The following TTYH3 variants were observed in gnomAD, a reference collection of about 807,000 sequenced individuals.
TTYH3 encodes tweety family member 3.
In TTYH3, 23 loss-of-function variants were observed where a neutral mutation model predicts 68.2. The ratio of observed to expected loss-of-function variants is 0.34; its 90% CI spans 0.24 to 0.48. TTYH3 has a LOEUF of 0.48. TTYH3 is among the 20% of genes least tolerant of loss of function. The pLI is 0.99. For synonymous variants in TTYH3, 360 were observed against 332.8 expected (o/e 1.08, Z -0.89); for missense variants, 768 against 727.7 (o/e 1.06, Z -0.64).
At chr7:2,654,864 A>C (rs1425336142) in intron 9 of TTYH3, among the ~76,000 whole-genome samples, 1 of 152,034 alleles carries the variant, frequency 6.6e-6, no homozygotes, top group Non-Finnish European at 1.5e-5. Context: ...GGCTCACCGC[A>C]ACCTCTGCCT....
chr7:2,656,057 T>C, intron 9 of TTYH3, 35 bp from the exon 10 acceptor site: 1 of 1,493,120 alleles, frequency 6.7e-7, no homozygotes, highest in Non-Finnish European at 9.1e-7. Flanking sequence ...CCCGTCCAAA[T>C]GAAGTGCTGA....
At chr7:2,636,538 G>A (rs894711821) in intron 1 of TTYH3, among the ~76,000 whole-genome samples, 1 of 152,174 alleles carries the variant, frequency 6.6e-6, no homozygotes, top group African/African-American at 2.4e-5. Flanking sequence ...TGACAGAAGC[G>A]GGCCAGACAC....
chr7:2,633,026 G>T (rs1047421658), intron 1 of TTYH3, among the ~76,000 whole-genome samples: 1 of 152,098 alleles, frequency 6.6e-6, no homozygotes, highest in South Asian at 2.1e-4. Flanking sequence ...CCTGGGGGGC[G>T]GCTGGGGGCC....
At chr7:2,635,640 C>T (rs913369631) in intron 1 of TTYH3, among the ~76,000 whole-genome samples, 5 of 152,122 alleles carry the variant, frequency 3.3e-5, no homozygotes, top group Admixed American at 6.5e-5. Context: ...GCCCGGCTGC[C>T]GACAATCAGA....
chr7:2,658,853 C>T (rs1413424204), intron 12 of TTYH3, 87 bp from the exon 13 acceptor site: 15 of 1,313,046 alleles, frequency 1.1e-5, no homozygotes, highest in African/African-American at 1.4e-5. Flanking sequence ...CATCTGGGCA[C>T]AGCGGGCCTA....
At chr7:2,652,461 G>A (rs1388536131) in intron 8 of TTYH3, among the ~76,000 whole-genome samples, 1 of 152,208 alleles carries the variant, frequency 6.6e-6, no homozygotes, top group Non-Finnish European at 1.5e-5. Flanking sequence ...GGGGGGACCT[G>A]CTCAATGCAC....
chr7:2,650,107 A>C, intron 7 of TTYH3, 119 bp downstream of exon 7: 1 of 995,920 alleles, frequency 1.0e-6, no homozygotes, highest in Non-Finnish European at 1.5e-6. Flanking sequence ...TCAGGGAGAC[A>C]GGTCCCAGGC....
At chr7:2,658,640 A>C (rs1430704009) in intron 12 of TTYH3, among the ~76,000 whole-genome samples, 181 bp downstream of exon 12, 1 of 152,232 alleles carries the variant, frequency 6.6e-6, no homozygotes, top group Non-Finnish European at 1.5e-5. Context: ...TGGAGAGGCC[A>C]CATGGTCACA....
intron 7 of TTYH3, among the ~76,000 whole-genome samples, chr7:2,651,965 C>G (rs976252750): frequency 6.6e-6 from 1 of 152,196 alleles, no homozygotes; most frequent in Non-Finnish European, 1.5e-5. Context: ...GACACATGCA[C>G]ACCGGCACAC....
intron 1 of TTYH3, among the ~76,000 whole-genome samples, chr7:2,637,314 T>G (rs2114972646): frequency 6.6e-6 from 1 of 152,196 alleles, no homozygotes; most frequent in South Asian, 2.1e-4. Flanking sequence ...TGCAGCTTGG[T>G]TCCCCAGGCC....
At chr7:2,638,076 C>A (rs891228924) in intron 1 of TTYH3, among the ~76,000 whole-genome samples, 1 of 152,158 alleles carries the variant, frequency 6.6e-6, no homozygotes, top group Non-Finnish European at 1.5e-5. Flanking sequence ...TGGGGTGCAC[C>A]CAGCTCTGAG....
intron 7 of TTYH3, among the ~76,000 whole-genome samples, chr7:2,651,338 C>A (rs887659382): frequency 6.6e-6 from 1 of 152,142 alleles, no homozygotes; most frequent in African/African-American, 2.4e-5. Context: ...GAACCACTTC[C>A]ACCAAAGCCT....
chr7:2,657,774 C>G (rs1337210780), intron 11 of TTYH3, among the ~76,000 whole-genome samples: 6 of 152,228 alleles, frequency 3.9e-5, no homozygotes, highest in Admixed American at 3.9e-4. Context: ...TGCTTGCTGC[C>G]AGGCAGCCCA....
Position 2,656,380 on chromosome 7 carries a change from C to G in TTYH3, c.1114-18C>G, listed in dbSNP as rs201427236. 1,610 of 1,601,818 alleles carry G rather than the reference C, an allele frequency of 1.0e-3. 20 individuals are homozygous for G. The South Asian group carries it at 0.011, about 11-fold the overall frequency. On this transcript the variant is annotated intron_variant, in intron 10 of 13. Coordinates refer to ENST00000258796, the MANE Select transcript of TTYH3 (RefSeq NM_025250.3). ...CCTCCCTGTCTCTGGATCCTGCCAT[C>G]TCATCCCACGGCCTCAGGACTACGT...
At chr7:2,656,360 C>G (rs745504951) in intron 10 of TTYH3, 38 bp from the exon 11 acceptor site, 6 of 1,595,516 alleles carry the variant, frequency 3.8e-6, no homozygotes, top group Non-Finnish European at 5.1e-6. Context: ...TCCACCCTCC[C>G]TGTCTCTGGA....
At chr7:2,637,699 G>C (rs902583878) in intron 1 of TTYH3, among the ~76,000 whole-genome samples, 1 of 152,196 alleles carries the variant, frequency 6.6e-6, no homozygotes, top group Admixed American at 6.5e-5. Context: ...CGGGGAATTG[G>C]CATGTGACAG....
chr7:2,649,695 G>A (rs1290803645), intron 6 of TTYH3, 56 bp downstream of exon 6: 1 of 1,557,834 alleles, frequency 6.4e-7, no homozygotes, highest in Non-Finnish European at 8.7e-7. Flanking sequence ...CTGGGGGAGG[G>A]ACGAGGGGAA....
In TTYH3 at chr7:2,658,376, C is replaced by T. The variant is rs139680125; in HGVS notation, c.1341C>T (p.Tyr447=). ...ACCGCGTCCACATGCCCAGCCTGTA[C>T]AGCTGTGGCAGCAGCTACGGCAGTG... ...SLYRVHMPSL[Y]SCGSSYGSET... is the part of the protein sequence containing the mutation. The change falls in exon 12 of 14, where the codon TAC becomes TAT. Residue 447 remains tyrosine (Y), a synonymous_variant. Coordinates refer to ENST00000258796, the MANE Select transcript of TTYH3 (RefSeq NM_025250.3). 43 of 1,611,730 alleles carry T rather than the reference C, an allele frequency of 2.7e-5. No individual in the cohort carries two copies. The highest frequency in any genetic ancestry group is 3.5e-5 in the Non-Finnish European group (41 of 1,179,664).
rs565630948 is a variant in TTYH3 at position 2,640,406 on chromosome 7, G to A, written c.124-6447G>A. Among the ~76,000 whole-genome samples the A allele has an allele frequency of 3.3e-5, 5 of 151,968 alleles. No individual in the cohort carries two copies. The East Asian group carries it at 9.7e-4, about 29-fold the overall frequency. On this transcript the variant is annotated intron_variant, in intron 1 of 13. Coordinates refer to ENST00000258796, the MANE Select transcript of TTYH3 (RefSeq NM_025250.3). ...AGAGCAGCCGCCTGTGTGTGTGTGG[G>A]GGGGGACGTGTGTTCCATAGGCCGG...
Sources: gnomAD v4.1 joint callset for allele counts (sites outside exome capture counted in the v4.1 genomes callset) on GRCh38, gnomAD v4.1.1 for gene constraint, MANE v1.5 for transcripts, NCBI Gene and HGNC (gene_info 2026-07-23, HGNC 2026-07-21) for gene names.